Variants in AGBL4 observed in about 807,000 individuals in gnomAD.
AGBL4 encodes cytosolic carboxypeptidase 6.
Under a neutral mutation model 66.4 loss-of-function variants are expected in AGBL4, and 58 were observed. The observed-to-expected ratio is 0.87, with a 90% CI of 0.71 to 1.09. The LOEUF is 1.09. AGBL4 is among the 50% of genes least tolerant of loss of function. The probability of loss-of-function intolerance (pLI) is 0.00; values close to 1 mark genes in which losing one functional copy is unlikely to be tolerated. For synonymous variants in AGBL4, 234 were observed against 222.9 expected, an observed-to-expected ratio of 1.05 and a Z score of -0.44; for missense variants, 579 against 631.0, an observed-to-expected ratio of 0.92 and a Z score of 0.88.
At chr1:49,420,058 C>T (rs530017270) in intron 3 of AGBL4, among the ~76,000 whole-genome samples, 1 of 152,278 alleles carries the variant, frequency 6.6e-6, no homozygotes, top group Non-Finnish European at 1.5e-5. Context: ...TTAAGAAGCA[C>T]TGATATAAAG....
intron 3 of AGBL4, among the ~76,000 whole-genome samples, chr1:49,384,859 T>C (rs1488571059): frequency 2.0e-5 from 3 of 152,174 alleles, no homozygotes; most frequent in Non-Finnish European, 2.9e-5. Flanking sequence ...TCTGGGCATA[T>C]ATCCAAAAAT....
intron 1 of AGBL4, among the ~76,000 whole-genome samples, chr1:49,965,672 C>T (rs1483969294): frequency 6.6e-6 from 1 of 152,124 alleles, no homozygotes; most frequent in Non-Finnish European, 1.5e-5. Flanking sequence ...TACATATTCT[C>T]AGATAACTAT....
chr1:48,670,057 T>A (rs1260346415), intron 6 of AGBL4, among the ~76,000 whole-genome samples: 1 of 152,188 alleles, frequency 6.6e-6, no homozygotes, highest in African/African-American at 2.4e-5. Context: ...AAAGAGTATG[T>A]ACATGACAAA....
Position 49,423,718 on chromosome 1 carries a change from A to G in AGBL4, c.283-177854T>C, listed in dbSNP as rs926016023. On this transcript the variant is annotated intron_variant, in intron 3 of 13. Transcript: ENST00000371839. Reference sequence around the variant, plus strand: ...TCCCAGCTACTAGGGAAGCTGAGGCAGGAGAATCACCTGCACGTGGGAGGC... The same window carrying G: ...TCCCAGCTACTAGGGAAGCTGAGGCGGGAGAATCACCTGCACGTGGGAGGC... 2.0e-5 allele frequency among the ~76,000 whole-genome samples: 3 copies of G among 150,980 alleles called. No homozygotes were observed. The Admixed American group carries it at 2.0e-4, about 10-fold the overall frequency.
At chr1:48,759,171 C>G in intron 6 of AGBL4, 1 of 1,614,130 alleles carries the variant, frequency 6.2e-7, no homozygotes, top group Non-Finnish European at 8.5e-7. Flanking sequence ...CCACGAAGAC[C>G]TCTTCCGGAC....
chr1:49,274,007 G>A (rs766200341), intron 3 of AGBL4, among the ~76,000 whole-genome samples: 19 of 152,024 alleles, frequency 1.2e-4, no homozygotes, highest in Admixed American at 2.6e-4. Context: ...TTAAATAAAC[G>A]CCCAAAAAAG....
chr1:49,796,800 A>G (rs1366865892), intron 2 of AGBL4, among the ~76,000 whole-genome samples: 1 of 151,964 alleles, frequency 6.6e-6, no homozygotes, highest in Non-Finnish European at 1.5e-5. Flanking sequence ...ATTTCTAATA[A>G]TGAGTACATA....
intron 3 of AGBL4, among the ~76,000 whole-genome samples, chr1:49,563,286 T>C (rs1313201425): frequency 6.6e-6 from 1 of 152,068 alleles, no homozygotes; most frequent in Non-Finnish European, 1.5e-5. Flanking sequence ...TTTTCCTAAT[T>C]GAATGCTCTT....
chr1:49,750,162 A>T (rs576103646), intron 2 of AGBL4, among the ~76,000 whole-genome samples: 74 of 152,072 alleles, frequency 4.9e-4, no homozygotes, highest in Non-Finnish European at 9.4e-4. Context: ...AAATCATAAC[A>T]TGTGTAGAAG....
At chr1:49,882,867 T>C (rs192260985) in intron 1 of AGBL4, among the ~76,000 whole-genome samples, 3 of 152,290 alleles carry the variant, frequency 2.0e-5, no homozygotes, top group South Asian at 2.1e-4. Context: ...AGAGCACTGA[T>C]AGCATTTGGT....
At chr1:49,554,491 T>C (rs374190925) in intron 3 of AGBL4, among the ~76,000 whole-genome samples, 1 of 152,216 alleles carries the variant, frequency 6.6e-6, no homozygotes, top group Non-Finnish European at 1.5e-5. Flanking sequence ...ATTTTCACTT[T>C]CCATTTGCAA....
chr1:49,829,138 G>C (rs1040087987), intron 2 of AGBL4, among the ~76,000 whole-genome samples: 2 of 151,912 alleles, frequency 1.3e-5, no homozygotes, highest in Admixed American at 1.3e-4. Context: ...GAATAAGGGA[G>C]GCAGACAGAA....
At chr1:49,207,550 C>CT (rs1338127798) in intron 4 of AGBL4, among the ~76,000 whole-genome samples, 2 of 92,388 alleles carry the variant, frequency 2.2e-5, no homozygotes, top group Admixed American at 1.1e-4. Flanking sequence ...TCTTTTCTTT[C>CT]TTTCTTTCTT....
At chr1:49,184,858 C>T (rs918656047) in intron 4 of AGBL4, among the ~76,000 whole-genome samples, 6 of 152,238 alleles carry the variant, frequency 3.9e-5, no homozygotes, top group African/African-American at 4.8e-5. Context: ...ATGAAAGATA[C>T]GGACAATGAA....
chr1:49,861,414 T>G (rs1483253331), intron 1 of AGBL4, among the ~76,000 whole-genome samples: 2 of 151,924 alleles, frequency 1.3e-5, no homozygotes, highest in African/African-American at 4.8e-5. Context: ...GTGAGGACTT[T>G]GTCGTACATC....
At chr1:49,188,427 A>G (rs1214148862) in intron 4 of AGBL4, among the ~76,000 whole-genome samples, 2 of 152,166 alleles carry the variant, frequency 1.3e-5, no homozygotes, top group Non-Finnish European at 2.9e-5. Context: ...GATTAATTAA[A>G]CAAATAATAT....
chr1:49,554,009 G>C (rs1161129429), intron 3 of AGBL4, among the ~76,000 whole-genome samples: 5 of 152,062 alleles, frequency 3.3e-5, no homozygotes, highest in Non-Finnish European at 5.9e-5. Flanking sequence ...CGTTAGTGGT[G>C]CAATTCCATC....
At chr1:50,019,306 T>TCTCTCTCACACACACACACA (rs1167835143) in intron 1 of AGBL4, among the ~76,000 whole-genome samples, 21 of 48,430 alleles carry the variant, frequency 4.3e-4, no homozygotes, top group South Asian at 1.6e-3. Context: ...TCTCTCTCTC[T>TCTCTCTCACACACACACACA]CACACACACA....
chr1:48,602,569 C>T (rs990566146), intron 9 of AGBL4, among the ~76,000 whole-genome samples: 1 of 152,176 alleles, frequency 6.6e-6, no homozygotes, highest in Admixed American at 6.5e-5. Context: ...CATTCCCCTA[C>T]GCTAATGCAG....
Sources: allele counts gnomAD v4.1 joint callset (sites outside exome capture counted in the v4.1 genomes callset), GRCh38; gene constraint gnomAD v4.1.1; transcripts MANE v1.5; gene names NCBI Gene and HGNC (gene_info 2026-07-23, HGNC 2026-07-21).